Variants in PAX7 observed in about 807,000 individuals in gnomAD.
PAX7 encodes the protein paired box 7, also known as paired box protein Pax-7.
PAX7 carries 18 observed loss-of-function variants against 50.7 expected under a neutral mutation model. The observed-to-expected ratio is 0.36, with a 90% CI of 0.25 to 0.53. PAX7 has a LOEUF of 0.53. Ranked by LOEUF, PAX7 falls within the 20% of genes least tolerant of loss-of-function variation. The pLI is 0.93. For synonymous variants in PAX7, 310 were observed against 290.4 expected (o/e 1.07, Z -0.69); for missense variants, 644 against 702.9 (o/e 0.92, Z 0.95).
At chr1:18,743,186 G>C (rs569944460) in intron 8 of PAX7, among the ~76,000 whole-genome samples, 1 of 152,326 alleles carries the variant, frequency 6.6e-6, no homozygotes, top group South Asian at 2.1e-4. Context: ...CTTCATAACA[G>C]CTCCTCAGAT....
intron 6 of PAX7, among the ~76,000 whole-genome samples, chr1:18,701,256 T>C (rs1225270303): frequency 1.3e-5 from 2 of 152,208 alleles, no homozygotes; most frequent in Non-Finnish European, 2.9e-5. Context: ...TTTGGGACCA[T>C]GCATAGTCAC....
At chr1:18,642,397 T>C (rs2088269829) in intron 4 of PAX7, among the ~76,000 whole-genome samples, 1 of 152,152 alleles carries the variant, frequency 6.6e-6, no homozygotes, top group South Asian at 2.1e-4. Flanking sequence ...CAATGCCTGG[T>C]TGAGGGAAGG....
At chr1:18,648,653 T>A (rs1231788468) in intron 4 of PAX7, among the ~76,000 whole-genome samples, 1 of 152,092 alleles carries the variant, frequency 6.6e-6, no homozygotes, top group Non-Finnish European at 1.5e-5. Context: ...ATTCCACTAC[T>A]ATTTATCAAA....
intron 8 of PAX7, among the ~76,000 whole-genome samples, chr1:18,741,460 A>AC (rs1931126866): frequency 3.4e-5 from 4 of 119,142 alleles, no homozygotes; most frequent in Non-Finnish European, 7.0e-5. Context: ...AAAAAGAAAA[A>AC]AAAAAAGAAA....
intron 4 of PAX7, among the ~76,000 whole-genome samples, chr1:18,647,796 A>C (rs1279872382): frequency 6.6e-6 from 1 of 152,184 alleles, no homozygotes; most frequent in Non-Finnish European, 1.5e-5. Context: ...GCCTTGGAAG[A>C]AACGGGCTGT....
At chr1:18,661,810 G>A (rs1317438233) in intron 4 of PAX7, among the ~76,000 whole-genome samples, 1 of 152,232 alleles carries the variant, frequency 6.6e-6, no homozygotes, top group African/African-American at 2.4e-5. Context: ...GGACAATGGA[G>A]CACAGCCCTG....
chr1:18,718,580 G>A (rs762576819), intron 7 of PAX7, among the ~76,000 whole-genome samples: 1 of 151,876 alleles, frequency 6.6e-6, no homozygotes, highest in Non-Finnish European at 1.5e-5. Flanking sequence ...TCTGTTGAAG[G>A]CCTCCCTAAC....
At chr1:18,742,973 G>T (rs963907945) in intron 8 of PAX7, among the ~76,000 whole-genome samples, 1 of 152,138 alleles carries the variant, frequency 6.6e-6, no homozygotes, top group Non-Finnish European at 1.5e-5. Flanking sequence ...CAAGTGATGT[G>T]CCCAGGGCCA....
intron 4 of PAX7, among the ~76,000 whole-genome samples, chr1:18,656,046 C>T (rs2088513606): frequency 6.6e-6 from 1 of 152,186 alleles, no homozygotes; most frequent in African/African-American, 2.4e-5. Context: ...ATCAGTTTAA[C>T]CCATCTGCGA....
rs1016053001 is a variant in PAX7, at chr1:18,702,207, C to T, written c.953-887C>T. On this transcript the variant is annotated intron_variant, in intron 6 of 8. Coordinates refer to ENST00000420770, the MANE Select transcript of PAX7 (RefSeq NM_001135254.2). ...AAAAAAAATTATCTGGGCATGGTGG[C>T]GTGCATCTGTAATCCCAGCTACTCA... 4.6e-5 allele frequency among the ~76,000 whole-genome samples: 7 copies of T among 151,800 alleles called. No homozygotes were observed. In the South Asian group the frequency reaches 1.0e-3, roughly 23 times the overall value.
At chr1:18,649,312 T>G (rs2088395747) in intron 4 of PAX7, among the ~76,000 whole-genome samples, 1 of 152,166 alleles carries the variant, frequency 6.6e-6, no homozygotes, top group Non-Finnish European at 1.5e-5. Context: ...ATGCTGGCAG[T>G]TCATCGCCCT....
intron 7 of PAX7, among the ~76,000 whole-genome samples, chr1:18,707,415 C>CTTTT (rs60914648): frequency 2.1e-3 from 60 of 28,046 alleles, no homozygotes; most frequent in Non-Finnish European, 3.2e-3. Flanking sequence ...TTTTTTCTTT[C>CTTTT]TTTTTTTTTT....
Position 18,735,576 on chromosome 1 carries a change from C to T in PAX7, c.1156-56C>T, listed in dbSNP as rs1284130683. 1.8e-5 allele frequency: 28 copies of T among 1,564,606 alleles called. No homozygotes were observed. Among genetic ancestry groups the T allele is most frequent in the Non-Finnish European group, 2.3e-5 (27 of 1,150,040 alleles). ...CCAGCCTGGCATTGTGCCCAGTGTG[C>T]TCGTGTCTCTGGGGTCTGTCCGGTG... On this transcript the variant is annotated intron_variant, in intron 7 of 8. Coordinates refer to ENST00000420770, the MANE Select transcript of PAX7 (RefSeq NM_001135254.2). This position sits in a 1 kb window ranked among gnomAD's most constrained non-coding sequence, Gnocchi z 4.0.
chr1:18,660,760 G>T (rs2088588987), intron 4 of PAX7, among the ~76,000 whole-genome samples: 1 of 152,086 alleles, frequency 6.6e-6, no homozygotes, highest in Admixed American at 6.6e-5. Flanking sequence ...AAACAGAAGG[G>T]GGCTCAGAGG....
Position 18,636,407 on chromosome 1 carries a change from G to C in PAX7, c.586+36G>C. 1 of 1,604,018 alleles carries C rather than the reference G, an allele frequency of 6.2e-7. No homozygotes were observed. The highest frequency in any genetic ancestry group is 8.5e-7 in the Non-Finnish European group (1 of 1,173,686). On this transcript the variant is annotated intron_variant, in intron 4 of 8. Coordinates refer to ENST00000420770, the MANE Select transcript of PAX7 (RefSeq NM_001135254.2). The surrounding 1 kb of genome is among the most constrained non-coding windows in gnomAD (Gnocchi z 5.1). ...TCCCTGGGCTGCGAGGCCCCAGCCC[G>C]GGTTTTCCCACGCTCCGGTGTGCGG...
At chr1:18,659,711 C>T (rs920547399) in intron 4 of PAX7, among the ~76,000 whole-genome samples, 13 of 152,170 alleles carry the variant, frequency 8.5e-5, no homozygotes, top group African/African-American at 2.4e-5. Context: ...TAGCAGGCAA[C>T]TGTCCCATTT....
Position 18,700,784 on chromosome 1 carries a change from G to A in PAX7, c.918G>A (p.Pro306=), listed in dbSNP as rs374991984. 9.0e-5 allele frequency: 141 copies of A among 1,573,466 alleles called. No individual in the cohort carries two copies. Among genetic ancestry groups the A allele is most frequent in the South Asian group, 5.8e-4 (50 of 85,836 alleles). Residue 306 remains proline, a synonymous_variant, in exon 6 of 9, where the codon CCG becomes CCA. Transcript: ENST00000420770. The surrounding 1 kb of genome is among the most constrained non-coding windows in gnomAD (Gnocchi z 4.8). ...CCACGCTGCCCCCCTACCAGCTGCC[G>A]GACTCCACCTACCCCACCACCACCA... ...GMPTLPPYQL[P]DSTYPTTTIS...
At position 18,746,672 on chromosome 1, in the gene PAX7, C is replaced by T. The variant is rs984312229; in HGVS notation, c.*1743C>T. 3 of 230,902 alleles carry T rather than the reference C, an allele frequency of 1.3e-5. No homozygotes were observed. Among genetic ancestry groups the T allele is most frequent in the East Asian group, 6.1e-5 (1 of 16,322 alleles). The allele number at this position is 230,902 out of a possible 1,614,324, so 14.3% of individuals were successfully genotyped here. The stretch of plus-strand genomic sequence containing the variant: ...ATCCATGCCTCTTGCCCTCAGTCAA[C>T]AAGACATTCCTAGAGGGAAAGGGCT... On this transcript the variant is annotated 3_prime_UTR_variant, in exon 9 of 9. Transcript: ENST00000420770.
chr1:18,646,733 T>C (rs1361318029), intron 4 of PAX7, among the ~76,000 whole-genome samples: 2 of 151,676 alleles, frequency 1.3e-5, no homozygotes, highest in Non-Finnish European at 2.9e-5. Context: ...CGCTTTACTA[T>C]GGTGTGGGCC....
Sources: allele counts gnomAD v4.1 joint callset (sites outside exome capture counted in the v4.1 genomes callset), GRCh38; gene constraint gnomAD v4.1.1; non-coding constraint Gnocchi (gnomAD v3.1); transcripts MANE v1.5; gene names NCBI Gene and HGNC (gene_info 2026-07-23, HGNC 2026-07-21).